MAPDA: variants seen among roughly 807,000 people sequenced by gnomAD.
The protein encoded by MAPDA is N6,N6-dimethyl-AMP deaminase.
the MAPDA span, chr15:43,346,974 C>G: frequency 3.9e-6 from 6 of 1,534,260 alleles, no homozygotes; most frequent in Non-Finnish European, 5.4e-6. Flanking sequence ...CTCAGTTTTC[C>G]CAGAATTCTC....
chr15:43,335,087 A>C, the MAPDA span: 3,639 of 1,612,100 alleles, frequency 2.3e-3, 4 homozygotes, highest in Non-Finnish European at 2.9e-3. Flanking sequence ...AGTGGAGAAG[A>C]ATCATTTTTT....
chr15:43,352,405 A>G, the MAPDA span: 4 of 152,576 alleles, frequency 2.6e-5, no homozygotes, highest in African/African-American at 9.6e-5. Context: ...TTTTAAAAGT[A>G]TTCCCCAGCC....
chr15:43,349,485 T>A, the MAPDA span: 1 of 412,012 alleles, frequency 2.4e-6, no homozygotes. Context: ...TACTTTGTTG[T>A]CATTGCTGTC....
At chr15:43,335,937 G>T in the MAPDA span, 1 of 1,334,022 alleles carries the variant, frequency 7.5e-7, no homozygotes, top group African/African-American at 1.5e-5. Context: ...GGGTTGGCAT[G>T]TGGTGTGGAG....
chr15:43,347,075 G>A, the MAPDA span: 2 of 1,613,686 alleles, frequency 1.2e-6, no homozygotes, highest in Non-Finnish European at 1.7e-6. Flanking sequence ...CAGGTCTGAA[G>A]TTAGCATTGC....
At chr15:43,353,164 T>C in the MAPDA span, 1 of 152,160 alleles carries the variant, frequency 6.6e-6, no homozygotes, top group Non-Finnish European at 1.5e-5. Flanking sequence ...TTGGGTCTCT[T>C]GTAACCCTAC....
At chr15:43,334,633 T>TTATATATATATATATAGA in the MAPDA span, among the ~76,000 whole-genome samples, 1 of 65,172 alleles carries the variant, frequency 1.5e-5, no homozygotes. Flanking sequence ...CTCAAAAAAA[T>TTATATATATATATATAGA]TATATATATA....
chr15:43,335,679 C>A, the MAPDA span: 11 of 1,589,458 alleles, frequency 6.9e-6, no homozygotes, highest in Non-Finnish European at 9.4e-6. Flanking sequence ...ATAAGTTTTA[C>A]TGGTTGTATC....
chr15:43,345,759 T>C, the MAPDA span: 1 of 1,454,504 alleles, frequency 6.9e-7, no homozygotes, highest in Non-Finnish European at 9.6e-7. Flanking sequence ...TGAGATGTAT[T>C]ACACGTAGTC....
chr15:43,351,542 C>T, the MAPDA span: 3 of 534,332 alleles, frequency 5.6e-6, no homozygotes, highest in African/African-American at 1.9e-5. Flanking sequence ...TTTTAATATC[C>T]AGCCAGAGTT....
chr15:43,351,769 T>G, the MAPDA span: 1 of 1,548,912 alleles, frequency 6.5e-7, no homozygotes, highest in Non-Finnish European at 8.7e-7. Context: ...TAAGGGTGTT[T>G]TTGCAACACA....
the MAPDA span, chr15:43,350,827 T>C: frequency 2.4e-6 from 2 of 850,480 alleles, no homozygotes; most frequent in East Asian, 2.7e-5. Flanking sequence ...TGTAAACTAA[T>C]AAACTACTTT....
the MAPDA span, chr15:43,332,167 C>T: frequency 1.3e-5 from 2 of 152,234 alleles, no homozygotes; most frequent in East Asian, 3.9e-4. Context: ...GGAATTTGCA[C>T]CTGATGGCTT....
At chr15:43,352,142 G>A in the MAPDA span, 1 of 446,662 alleles carries the variant, frequency 2.2e-6, no homozygotes, top group Non-Finnish European at 3.9e-6. Flanking sequence ...GTGCTTACTG[G>A]GTGGGACTTG....
chr15:43,351,990 TTCCTGCCATA>T, the MAPDA span: 2 of 1,516,050 alleles, frequency 1.3e-6, no homozygotes, highest in Non-Finnish European at 1.8e-6. Context: ...TTCAATCAAG[TTCCTGCCATA>T]TCCCACTTAG....
chr15:43,335,657 A>G, the MAPDA span: 263,900 of 1,569,018 alleles, frequency 0.17, 34,501 homozygotes, highest in African/African-American at 0.64. Flanking sequence ...CTATGAATCT[A>G]TTGGATATTT....
At chr15:43,345,802 C>T in the MAPDA span, 17 of 1,607,624 alleles carry the variant, frequency 1.1e-5, no homozygotes, top group African/African-American at 2.3e-4. Flanking sequence ...TCAGAATTGT[C>T]TTTTTCATCT....
At chr15:43,335,041 A>G in the MAPDA span, 1 of 1,509,932 alleles carries the variant, frequency 6.6e-7, no homozygotes, top group African/African-American at 1.4e-5. Context: ...CAATTTACTG[A>G]CTGAAATACA....
the MAPDA span, among the ~76,000 whole-genome samples, chr15:43,333,712 G>A: frequency 6.6e-6 from 1 of 152,128 alleles, no homozygotes; most frequent in African/African-American, 2.4e-5. Context: ...TTTCAATACA[G>A]TAATATTTCA....
Sources: gnomAD v4.1 joint callset for allele counts (sites outside exome capture counted in the v4.1 genomes callset) on GRCh38, gnomAD v4.1.1 for gene constraint, MANE v1.5 for transcripts, NCBI Gene and HGNC (gene_info 2026-07-23, HGNC 2026-07-21) for gene names.